The following PCDHA3 variants were observed in gnomAD, a reference collection of about 807,000 sequenced individuals.
PCDHA3 encodes protocadherin alpha-3.
PCDHA3 carries 41 observed loss-of-function variants against 62.2 expected under a neutral mutation model. That is an observed-to-expected ratio of 0.66 (90% CI 0.51 to 0.86). The LOEUF is 0.86. Ranked by LOEUF, PCDHA3 falls within the 40% of genes least tolerant of loss-of-function variation. The pLI, the probability that PCDHA3 is intolerant of heterozygous loss-of-function variation, is 0.00. For synonymous variants in PCDHA3, 640 were observed against 555.4 expected (o/e 1.15, Z -2.14); for missense variants, 1,304 against 1,241.2 (o/e 1.05, Z -0.76).
intron 1 of PCDHA3, among the ~76,000 whole-genome samples, chr5:140,936,885 T>C (rs1490428437): frequency 6.6e-6 from 1 of 152,238 alleles, no homozygotes; most frequent in Non-Finnish European, 1.5e-5. Context: ...CCTGCTTTGA[T>C]TTTAATTGGC....
intron 1 of PCDHA3, 185 bp downstream of exon 1, chr5:140,803,776 C>G (rs1763279145): frequency 9.9e-7 from 1 of 1,009,570 alleles, no homozygotes; most frequent in African/African-American, 1.6e-5. Context: ...ACCAAATCAG[C>G]AGTAAGTTAT....
chr5:140,836,399 C>G (rs2150259749), intron 1 of PCDHA3: 9 of 1,613,764 alleles, frequency 5.6e-6, no homozygotes, highest in Non-Finnish European at 7.6e-6. Context: ...TGGTGGAAAG[C>G]GGCCAGGCAC....
At chr5:140,863,093 C>T (rs1204907629) in intron 1 of PCDHA3, 2 of 576,488 alleles carry the variant, frequency 3.5e-6, no homozygotes, top group Middle Eastern at 2.9e-4. Flanking sequence ...ATCAGCACGA[C>T]GAGTACCCTG....
chr5:140,803,538 A>G lies in PCDHA3; in HGVS notation c.2341A>G (p.Ile781Val). 6.2e-7 allele frequency: 1 copy of G among 1,614,216 alleles called. No homozygotes were observed. The highest frequency in any genetic ancestry group is 8.5e-7 in the Non-Finnish European group (1 of 1,180,044). ...AFSPSLPPCP[I>V]SRDREEKQDV... Reference sequence around the variant, plus strand: ...TAGCCCTAGCCTTCCTCCTTGTCCAATTAGCCGGGATAGAGAGGAGAAACA... The same window carrying G: ...TAGCCCTAGCCTTCCTCCTTGTCCAGTTAGCCGGGATAGAGAGGAGAAACA... Residue 781 changes from isoleucine to valine, a missense_variant, in exon 1 of 4, where the codon ATT becomes GTT. By Grantham distance (29) the Ile-to-Val change is conservative (BLOSUM62 3). Transcript: ENST00000522353.
chr5:140,863,376 C>T (rs781824830), intron 1 of PCDHA3: 2 of 1,123,242 alleles, frequency 1.8e-6, no homozygotes, highest in South Asian at 1.2e-5. Context: ...CGCAGCTCAC[C>T]GAGAGCTCGT....
intron 1 of PCDHA3, among the ~76,000 whole-genome samples, chr5:140,976,370 G>A (rs1392898202): frequency 6.6e-6 from 1 of 152,018 alleles, no homozygotes; most frequent in Non-Finnish European, 1.5e-5. Context: ...GGCCAACATG[G>A]TGAAACCCCA....
intron 1 of PCDHA3, among the ~76,000 whole-genome samples, chr5:140,844,874 A>G (rs1300687011): frequency 6.7e-6 from 1 of 149,392 alleles, no homozygotes; most frequent in Non-Finnish European, 1.5e-5. Context: ...TTAAATACCC[A>G]TTAGACTTCG....
At chr5:140,863,105 A>C (rs1554157760) in intron 1 of PCDHA3, 1 of 581,650 alleles carries the variant, frequency 1.7e-6, no homozygotes, top group Non-Finnish European at 3.4e-6. Flanking sequence ...AGTACCCTGG[A>C]CGAGGCGAAA....
intron 1 of PCDHA3, chr5:140,927,843 C>T (rs1563097859): frequency 1.2e-6 from 2 of 1,614,186 alleles, no homozygotes; most frequent in Non-Finnish European, 1.7e-6. Context: ...ACGAAGGTGT[C>T]TTTGGTTTAG....
At chr5:140,875,262 C>A in intron 1 of PCDHA3, 1 of 1,157,366 alleles carries the variant, frequency 8.6e-7, no homozygotes, top group African/African-American at 1.6e-5. Flanking sequence ...CATGATGTCG[C>A]TCTACACTCA....
chr5:140,850,211 CACTGACGGCGCAGTG>C (rs2041429511), intron 1 of PCDHA3: 1 of 1,593,540 alleles, frequency 6.3e-7, no homozygotes, highest in Non-Finnish European at 8.6e-7. Context: ...GGATGAGGGG[CACTGACGGCGCAGTG>C]AGCGAGATGG....
chr5:140,863,054 C>G (rs782230068), intron 1 of PCDHA3: 4 of 563,138 alleles, frequency 7.1e-6, no homozygotes, highest in Non-Finnish European at 1.4e-5. Flanking sequence ...TGGCAGCACC[C>G]GTTCCACGTG....
At chr5:140,850,611 G>A (rs1353719119) in intron 1 of PCDHA3, 2 of 1,598,474 alleles carry the variant, frequency 1.3e-6, no homozygotes, top group Non-Finnish European at 1.7e-6. Context: ...CGCCATCTGC[G>A]CGGTGTCTAG....
At chr5:140,854,178 A>ATT in intron 1 of PCDHA3, 1 of 531,178 alleles carries the variant, frequency 1.9e-6, no homozygotes, top group Non-Finnish European at 2.4e-6. Context: ...AAAAAAAAAG[A>ATT]GTAGTTTAAC....
chr5:140,848,526 G>T lies in PCDHA3; in HGVS notation c.2394+44935G>T. 1.9e-6 allele frequency: 3 copies of T among 1,594,384 alleles called. No individual in the cohort carries two copies. Among genetic ancestry groups the T allele is most frequent in the Non-Finnish European group, 2.6e-6 (3 of 1,164,792 alleles). ...ATACTCAAGTCGAGGAGATCCAGAGGGTCAGCCTCTACTGCTCTCGCTTCT... is the reference window on the plus strand; with the variant it reads ...ATACTCAAGTCGAGGAGATCCAGAGTGTCAGCCTCTACTGCTCTCGCTTCT... On this transcript the variant is annotated intron_variant, in intron 1 of 3. Coordinates refer to ENST00000522353, the MANE Select transcript of PCDHA3 (RefSeq NM_018906.3).
At position 140,916,615 on chromosome 5, in the gene PCDHA3, T is replaced by C. The variant is rs191815089; in HGVS notation, c.2395-62334T>C. Among the ~76,000 whole-genome samples the C allele has an allele frequency of 2.6e-5, 4 of 152,270 alleles. No homozygotes were observed. In the East Asian group the frequency reaches 5.8e-4, roughly 22 times the overall value. On this transcript the variant is annotated intron_variant, in intron 1 of 3. Transcript: ENST00000522353. ...GGGCCTGGAATGCGGGCCTCATGAC[T>C]CTACTCAATGCCCTATCCTACTGTG...
At position 140,841,557 on chromosome 5, in the gene PCDHA3, T is replaced by A. The variant is rs2150318209; in HGVS notation, c.2394+37966T>A. On this transcript the variant is annotated intron_variant, in intron 1 of 3. Coordinates refer to ENST00000522353, the MANE Select transcript of PCDHA3 (RefSeq NM_018906.3). The stretch of plus-strand genomic sequence containing the variant: ...CACCGGGACCTTCTGGAGGTAAGTC[T>A]GCAGAATGGCATTTTGTTTGTGAAT... The A allele has an allele frequency of 2.5e-6, 4 of 1,613,864 alleles. No individual in the cohort carries two copies. The East Asian group carries it at 8.9e-5, about 36-fold the overall frequency.
chr5:140,830,592 A>G (rs1771150807), intron 1 of PCDHA3: 1 of 705,520 alleles, frequency 1.4e-6, no homozygotes, highest in Non-Finnish European at 2.1e-6. Flanking sequence ...TTAATTTTAC[A>G]AAATTACATA....
At chr5:140,882,971 G>C in intron 1 of PCDHA3, 1 of 1,614,206 alleles carries the variant, frequency 6.2e-7, no homozygotes, top group Non-Finnish European at 8.5e-7. Flanking sequence ...GATTCTGGAC[G>C]TGAATGACAA....
Sources: gnomAD v4.1 joint callset for allele counts (sites outside exome capture counted in the v4.1 genomes callset) on GRCh38, gnomAD v4.1.1 for gene constraint, MANE v1.5 for transcripts, NCBI Gene and HGNC (gene_info 2026-07-23, HGNC 2026-07-21) for gene names.